NR1D2: variants seen among roughly 807,000 people sequenced by gnomAD.
NR1D2 encodes V-erbA-related protein 1-related.
A neutral mutation model predicts 52.2 loss-of-function variants in NR1D2; 25 were observed. The ratio of observed to expected loss-of-function variants is 0.48; its 90% CI spans 0.35 to 0.67. The LOEUF is 0.67. NR1D2 is among the 30% of genes least tolerant of loss of function. The pLI, the probability that NR1D2 is intolerant of heterozygous loss-of-function variation, is 0.01. For synonymous variants in NR1D2, 259 were observed against 230.1 expected, an observed-to-expected ratio of 1.13 and a Z score of -1.14; for missense variants, 681 against 707.2, an observed-to-expected ratio of 0.96 and a Z score of 0.42.
At chr3:23,962,864 T>C (rs1481949637) in intron 5 of NR1D2, among the ~76,000 whole-genome samples, 1 of 152,218 alleles carries the variant, frequency 6.6e-6, no homozygotes, top group African/African-American at 2.4e-5. Flanking sequence ...TAAAATATGA[T>C]TCATGCAGAA....
chr3:23,967,720 G>C, intron 6 of NR1D2, 93 bp from the exon 7 acceptor site: 1 of 926,434 alleles, frequency 1.1e-6, no homozygotes, highest in Non-Finnish European at 1.6e-6. Flanking sequence ...TTTTATATGT[G>C]GGATGATTCA....
At chr3:23,972,528 C>A (rs1206502495) in intron 7 of NR1D2, among the ~76,000 whole-genome samples, 2 of 152,158 alleles carry the variant, frequency 1.3e-5, no homozygotes, top group African/African-American at 4.8e-5. Flanking sequence ...TAAGGACTTG[C>A]ATGTAGGTGT....
intron 1 of NR1D2, among the ~76,000 whole-genome samples, chr3:23,945,929 A>T (rs1235581734): frequency 6.8e-6 from 1 of 147,978 alleles, no homozygotes; most frequent in Non-Finnish European, 1.5e-5. Flanking sequence ...ACGCGGCATT[A>T]CATAATGGGC....
chr3:23,948,157 A>G (rs941963122), intron 1 of NR1D2, among the ~76,000 whole-genome samples: 1 of 151,748 alleles, frequency 6.6e-6, no homozygotes, highest in Non-Finnish European at 1.5e-5. Context: ...GAATTTTTGT[A>G]AACATTGACC....
intron 5 of NR1D2, among the ~76,000 whole-genome samples, chr3:23,962,998 G>C (rs1337542664): frequency 6.7e-6 from 1 of 150,284 alleles, no homozygotes. Flanking sequence ...GAAATTCTTT[G>C]ATTTCTATAG....
rs369049976 is a variant in NR1D2, at chr3:23,946,230, G to C, written c.16+636G>C. 5.1e-6 allele frequency: 5 copies of C among 985,328 alleles called. No individual in the cohort carries two copies. In the South Asian group the frequency reaches 1.4e-4, roughly 28 times the overall value. 61.0% of individuals were successfully genotyped at this position (985,328 alleles called of 1,614,324 possible). ...CGGGCGCTGACACCGCAGTGCACCG[G>C]ACGCCGCACGCTCTTTTCGCGAGGT... On this transcript the variant is annotated intron_variant, in intron 1 of 7. Transcript: ENST00000312521.
chr3:23,947,077 G>C (rs1398420091), intron 1 of NR1D2, among the ~76,000 whole-genome samples: 2 of 151,982 alleles, frequency 1.3e-5, no homozygotes, highest in South Asian at 2.1e-4. Flanking sequence ...ATTGTGTTTT[G>C]ATTACCTAAT....
chr3:23,946,384 C>T, intron 1 of NR1D2: 4 of 802,656 alleles, frequency 5.0e-6, no homozygotes, highest in Non-Finnish European at 6.0e-6. Flanking sequence ...GGAGGCGCCT[C>T]GGGGAAGGCG....
rs1706835629 is a variant in NR1D2 at position 23,979,961 on chromosome 3, C to A, written c.*2542C>A. On this transcript the variant is annotated 3_prime_UTR_variant, in exon 8 of 8. Transcript: ENST00000312521. ...GTCAGCAAGCTAAAACATTTTTTTT[C>A]CTGTGCTTTTAATGTATCTCTTTAC... 1 of 151,830 alleles carries A rather than the reference C, an allele frequency of 6.6e-6. No individual in the cohort carries two copies. The highest frequency in any genetic ancestry group is 2.4e-5 in the African/African-American group (1 of 41,352). 9.4% of individuals were successfully genotyped at this position (151,830 alleles called of 1,614,324 possible). A position where few individuals can be genotyped will look rare whatever the true frequency, so the allele number is the denominator to read the frequency against.
chr3:23,956,572 TA>T (rs1414204275), intron 3 of NR1D2, among the ~76,000 whole-genome samples: 3 of 152,200 alleles, frequency 2.0e-5, no homozygotes, highest in Non-Finnish European at 4.4e-5. Flanking sequence ...GAGCTGGGAA[TA>T]ATTGCTACAT....
intron 1 of NR1D2, chr3:23,945,996 A>C: frequency 1.6e-6 from 1 of 608,314 alleles, no homozygotes. Flanking sequence ...CCTGACCCAC[A>C]TTCCCCGGGG....
chr3:23,945,632 G>A (rs1218554891), intron 1 of NR1D2, 38 bp downstream of exon 1: 6 of 1,169,602 alleles, frequency 5.1e-6, no homozygotes, highest in Admixed American at 4.7e-5. Context: ...GATGGCCGGA[G>A]GGAGCGCTCA....
chr3:23,979,701 A>G lies in NR1D2; in HGVS notation c.*2282A>G, dbSNP rs1379562798. The G allele has an allele frequency of 6.6e-6, 1 of 152,154 alleles. No homozygotes were observed. The highest frequency in any genetic ancestry group is 1.5e-5 in the Non-Finnish European group (1 of 67,954). 9.4% of individuals were successfully genotyped at this position (152,154 alleles called of 1,614,324 possible). ...TTTCTATATTTGAAAGTAGCCCAATATAAAACTTTTGATTCTAAAATTAAA... is the reference window on the plus strand; with the variant it reads ...TTTCTATATTTGAAAGTAGCCCAATGTAAAACTTTTGATTCTAAAATTAAA... On this transcript the variant is annotated 3_prime_UTR_variant, in exon 8 of 8. Transcript: ENST00000312521.
intron 1 of NR1D2, among the ~76,000 whole-genome samples, chr3:23,952,536 C>A (rs915420507): frequency 6.6e-6 from 1 of 151,594 alleles, no homozygotes; most frequent in South Asian, 2.1e-4. Context: ...ATGGTGAAAC[C>A]CTGTCTCTAC....
At chr3:23,974,932 C>T (rs1291420306) in intron 7 of NR1D2, among the ~76,000 whole-genome samples, 1 of 151,246 alleles carries the variant, frequency 6.6e-6, no homozygotes, top group East Asian at 1.9e-4. Flanking sequence ...GATTCTTGAG[C>T]CTCAGCCTTC....
At chr3:23,957,769 C>G (rs1054225683) in intron 3 of NR1D2, among the ~76,000 whole-genome samples, 1 of 151,768 alleles carries the variant, frequency 6.6e-6, no homozygotes, top group Non-Finnish European at 1.5e-5. Flanking sequence ...ATTATTCTTA[C>G]TTTATAGCTA....
intron 1 of NR1D2, among the ~76,000 whole-genome samples, chr3:23,952,684 C>G (rs1338698430): frequency 1.3e-5 from 2 of 151,234 alleles, no homozygotes; most frequent in African/African-American, 4.9e-5. Flanking sequence ...TGAGGTTGTG[C>G]CACTGCACTC....
In NR1D2 at chr3:23,959,813, A is replaced by G. The variant is rs1354727091; in HGVS notation, c.515A>G (p.Asp172Gly). The G allele has an allele frequency of 6.2e-7, 1 of 1,612,266 alleles. No homozygotes were observed. Among genetic ancestry groups the G allele is most frequent in the Non-Finnish European group, 8.5e-7 (1 of 1,179,260 alleles). ...TGTCTGTCTGTTGGAATGTCAAGAG[A>G]TGGTATGTTCCCAGTTTAAAGAGTG... ...KKCLSVGMSR[D>G]AVRFGRIPKR... Residue 172 changes from aspartate to glycine, a missense_variant and splice_region_variant, in exon 4 of 8, where the codon GAT (aspartate) becomes GGT (glycine). By Grantham distance (94) the Asp-to-Gly change is moderately conservative. Around this residue, in one of 3 missense-constraint regions of NR1D2, gnomAD observed 112 missense variants for 162.3 expected, o/e 0.69. Coordinates refer to ENST00000312521, the MANE Select transcript of NR1D2 (RefSeq NM_005126.5).
intron 5 of NR1D2, chr3:23,963,247 A>G: frequency 1.5e-6 from 2 of 1,351,506 alleles, no homozygotes; most frequent in Non-Finnish European, 2.0e-6. Context: ...TTCAGCCAAA[A>G]TTTCACCAAA....
Sources: allele counts gnomAD v4.1 joint callset (sites outside exome capture counted in the v4.1 genomes callset), GRCh38; gene constraint gnomAD v4.1.1; regional missense constraint gnomAD v4.1.1; transcripts MANE v1.5; gene names NCBI Gene and HGNC (gene_info 2026-07-23, HGNC 2026-07-21).